The following PRKN variants were observed in gnomAD, a reference collection of about 807,000 sequenced individuals.
PRKN encodes the protein E3 ubiquitin-protein ligase parkin.
A neutral mutation model predicts 59.5 loss-of-function variants in PRKN; 56 were observed. The ratio of observed to expected loss-of-function variants is 0.94; its 90% CI spans 0.76 to 1.18. The LOEUF is 1.18. Among genes scored for constraint, PRKN ranks in the 50% most tolerant of loss-of-function variants. The pLI is 0.00. For synonymous variants in PRKN, 250 were observed against 222.1 expected, an observed-to-expected ratio of 1.13 and a Z score of -1.12; for missense variants, 657 against 596.4, an observed-to-expected ratio of 1.10 and a Z score of -1.06.
intron 5 of PRKN, among the ~76,000 whole-genome samples, chr6:162,051,326 C>G (rs898838333): frequency 3.3e-5 from 5 of 152,128 alleles, no homozygotes; most frequent in Non-Finnish European, 7.3e-5. Context: ...AATGCTCACA[C>G]TGGAGAGATG....
At chr6:161,603,697 G>A (rs1042619739) in intron 7 of PRKN, among the ~76,000 whole-genome samples, 2 of 152,122 alleles carry the variant, frequency 1.3e-5, no homozygotes, top group Admixed American at 6.5e-5. Flanking sequence ...TTTTGATGGG[G>A]TTTGGGGAAG....
rs1390354518 is a variant in PRKN, at chr6:161,874,315, T to C, written c.735-88407A>G. On this transcript the variant is annotated intron_variant, in intron 6 of 11. Coordinates refer to ENST00000366898, the MANE Select transcript of PRKN (RefSeq NM_004562.3). Reference sequence around the variant, plus strand: ...TATATTACATGTAAAATATTATATATAAAATATATATTACATGTAAAATAT... The same window carrying C: ...TATATTACATGTAAAATATTATATACAAAATATATATTACATGTAAAATAT... Among the ~76,000 whole-genome samples, 9 of 61,326 alleles carry C rather than the reference T, an allele frequency of 1.5e-4. No homozygotes were observed. In the East Asian group the frequency reaches 5.3e-3, roughly 36 times the overall value. The allele number at this position is 61,326 out of a possible 152,430, so 40.2% of individuals were successfully genotyped here. A position where few individuals can be genotyped will look rare whatever the true frequency, so the allele number is the denominator to read the frequency against.
chr6:162,174,600 A>C (rs9347595), intron 4 of PRKN, among the ~76,000 whole-genome samples: 134,829 of 152,148 alleles, frequency 0.89, 60,688 homozygotes, highest in Non-Finnish European at 0.97. Flanking sequence ...GAATTTATAT[A>C]ATCATTTATC....
intron 6 of PRKN, among the ~76,000 whole-genome samples, chr6:161,857,890 C>G (rs905615600): frequency 6.6e-6 from 1 of 152,136 alleles, no homozygotes; most frequent in Non-Finnish European, 1.5e-5. Context: ...ATGACCTTAA[C>G]AGCCAAATAA....
At chr6:161,600,119 A>C (rs138726525) in intron 7 of PRKN, among the ~76,000 whole-genome samples, 4 of 152,286 alleles carry the variant, frequency 2.6e-5, no homozygotes, top group Admixed American at 2.0e-4. Flanking sequence ...AATCCTTAGA[A>C]GTTCCCCAAA....
intron 2 of PRKN, among the ~76,000 whole-genome samples, chr6:162,361,647 T>A (rs145831115): frequency 3.5e-4 from 53 of 152,320 alleles, no homozygotes; most frequent in African/African-American, 1.1e-3. Flanking sequence ...TTCTGGCTTG[T>A]CTTTTAATTA....
chr6:162,534,696 C>T (rs1258039074), intron 1 of PRKN, among the ~76,000 whole-genome samples: 1 of 152,132 alleles, frequency 6.6e-6, no homozygotes, highest in African/African-American at 2.4e-5. Flanking sequence ...GCCCCTTTCC[C>T]GAGCCACTTT....
intron 1 of PRKN, among the ~76,000 whole-genome samples, chr6:162,469,187 A>G (rs1347019084): frequency 6.6e-6 from 1 of 152,108 alleles, no homozygotes; most frequent in African/African-American, 2.4e-5. Context: ...CTCAGACCAC[A>G]CTTAAGACTA....
intron 6 of PRKN, among the ~76,000 whole-genome samples, chr6:161,815,599 A>G (rs1438550807): frequency 6.6e-6 from 1 of 152,240 alleles, no homozygotes; most frequent in East Asian, 1.9e-4. Flanking sequence ...TTTTCAAGAC[A>G]GTGACATGAG....
intron 6 of PRKN, among the ~76,000 whole-genome samples, chr6:161,890,078 A>G (rs1475873747): frequency 6.6e-6 from 1 of 152,132 alleles, no homozygotes; most frequent in Non-Finnish European, 1.5e-5. Flanking sequence ...CCAGCTCCCA[A>G]CTTCTATTAT....
chr6:162,299,721 A>C (rs1421015882), intron 2 of PRKN, among the ~76,000 whole-genome samples: 1 of 151,666 alleles, frequency 6.6e-6, no homozygotes, highest in African/African-American at 2.4e-5. Context: ...CTGTGTTTTC[A>C]TGGCCATACA....
chr6:161,638,150 C>T (rs556385072), intron 7 of PRKN, among the ~76,000 whole-genome samples: 33 of 146,086 alleles, frequency 2.3e-4, no homozygotes, highest in Non-Finnish European at 4.2e-4. Context: ...TTTTTTTTTT[C>T]GAGACTGAAT....
At chr6:161,914,160 C>T (rs999765097) in intron 6 of PRKN, among the ~76,000 whole-genome samples, 3 of 152,174 alleles carry the variant, frequency 2.0e-5, no homozygotes, top group Non-Finnish European at 4.4e-5. Flanking sequence ...CCCTTAACAA[C>T]CTCATTCAAT....
rs759692468 is a variant in PRKN at position 161,350,188 on chromosome 6, G to C, written c.1309C>G (p.Pro437Ala). The stretch of plus-strand genomic sequence containing the variant: ...CACTCGAGCCTGCACTGGGGCTGCG[G>C]ACACTTCATGTGCATGCAGCCTCCT... ...KNGGCMHMKCPQPQCRLEWCW... is the reference protein window; with the variant it reads ...KNGGCMHMKCAQPQCRLEWCW... The change falls in exon 12 of 12, where the codon CCG (proline) becomes GCG (alanine). Residue 437 changes from proline to alanine, a missense_variant. Pro to Ala is a conservative substitution (Grantham distance 27). Transcript: ENST00000366898. The C allele has an allele frequency of 6.2e-7, 1 of 1,613,294 alleles. No homozygotes were observed. The highest frequency in any genetic ancestry group is 2.2e-5 in the East Asian group (1 of 44,874).
At position 161,785,860 on chromosome 6, in the gene PRKN, T is replaced by C. The variant is rs9456711; in HGVS notation, c.783A>G (p.Leu261=). The change falls in exon 7 of 12, where the codon TTA becomes TTG. Residue 261 remains leucine, a synonymous_variant. Transcript: ENST00000366898. The stretch of plus-strand genomic sequence containing the variant: ...TCACACAGTATAAGTGGAAACAGTC[T>C]AAGCAAATCACGTGGCGGGAGTTGC... ...FQCNSRHVIC[L]DCFHLYCVTR... is the part of the protein sequence containing the mutation. 15,343 of 1,614,066 alleles carry C rather than the reference T, an allele frequency of 9.5e-3. 1,286 individuals carry two copies. The African/African-American group carries it at 0.18, about 19-fold the overall frequency.
intron 9 of PRKN, among the ~76,000 whole-genome samples, chr6:161,420,388 G>T (rs930656468): frequency 6.6e-6 from 1 of 152,102 alleles, no homozygotes; most frequent in African/African-American, 2.4e-5. Flanking sequence ...AAGGTGCAAG[G>T]GCTGGAGTGG....
At chr6:161,384,083 G>A (rs1257289032) in intron 10 of PRKN, among the ~76,000 whole-genome samples, 1 of 152,136 alleles carries the variant, frequency 6.6e-6, no homozygotes, top group Non-Finnish European at 1.5e-5. Flanking sequence ...CCCTGATGTG[G>A]ATTAACTATA....
chr6:162,132,766 GA>G (rs1781415996), intron 4 of PRKN, among the ~76,000 whole-genome samples: 1 of 152,076 alleles, frequency 6.6e-6, no homozygotes, highest in Non-Finnish European at 1.5e-5. Flanking sequence ...AATCTACTCT[GA>G]TAAGTGCTGT....
intron 7 of PRKN, among the ~76,000 whole-genome samples, chr6:161,784,745 C>T (rs1790344928): frequency 6.6e-6 from 1 of 152,182 alleles, no homozygotes. Flanking sequence ...ACTTCGAATT[C>T]TGCTTCTCGG....
Sources: allele counts gnomAD v4.1 joint callset (sites outside exome capture counted in the v4.1 genomes callset), GRCh38; gene constraint gnomAD v4.1.1; transcripts MANE v1.5; gene names NCBI Gene and HGNC (gene_info 2026-07-23, HGNC 2026-07-21).